The following VPS33A variants were observed in gnomAD, a reference collection of about 807,000 sequenced individuals.
VPS33A encodes vacuolar protein sorting-associated protein 33A.
Under a neutral mutation model 71.8 loss-of-function variants are expected in VPS33A, and 32 were observed. The ratio of observed to expected loss-of-function variants is 0.45; its 90% confidence interval spans 0.34 to 0.60. VPS33A has a LOEUF of 0.60. Among genes scored for constraint, VPS33A ranks in the 20% least tolerant of loss-of-function variants. The pLI is 0.02. For missense variants in VPS33A, 625 were observed against 748.5 expected (o/e 0.84, Z 1.92); for synonymous variants, 311 against 292.7 (o/e 1.06, Z -0.64).
intron 10 of VPS33A, 141 bp downstream of exon 10, chr12:122,238,446 T>G: frequency 9.5e-7 from 1 of 1,051,098 alleles, no homozygotes; most frequent in Non-Finnish European, 1.3e-6. Flanking sequence ...GGTCTCAAAC[T>G]CCTAACCTCA....
In VPS33A at chr12:122,251,055, G is replaced by C. The variant is rs549647623; in HGVS notation, c.528C>G (p.Ala176=). The change falls in exon 5 of 13, where the codon GCC becomes GCG. Residue 176 remains alanine (A), a synonymous_variant. Transcript: ENST00000267199. ...EGDQTSLYHA[A]KGLMTLQALY... The stretch of plus-strand genomic sequence containing the variant: ...GAGCTTGCAGGGTCATCAGCCCCTT[G>C]GCTGCGTGGTACAGGCTCGTCTGGT... The C allele has an allele frequency of 8.1e-6, 13 of 1,614,182 alleles. No homozygotes were observed. The African/African-American group carries it at 1.5e-4, about 18-fold the overall frequency.
chr12:122,257,979 C>T (rs890942999), intron 4 of VPS33A, among the ~76,000 whole-genome samples: 2 of 152,106 alleles, frequency 1.3e-5, no homozygotes, highest in Non-Finnish European at 2.9e-5. Context: ...ACAGTCTTTT[C>T]AACAAATAGT....
At chr12:122,254,328 T>C (rs1372155869) in intron 4 of VPS33A, among the ~76,000 whole-genome samples, 1 of 152,052 alleles carries the variant, frequency 6.6e-6, no homozygotes, top group Non-Finnish European at 1.5e-5. Context: ...GTCGAAGCTC[T>C]TAGCTGTGCC....
At chr12:122,252,147 C>G (rs1417428206) in intron 4 of VPS33A, among the ~76,000 whole-genome samples, 1 of 152,062 alleles carries the variant, frequency 6.6e-6, no homozygotes, top group Non-Finnish European at 1.5e-5. Context: ...ATCTGAGCTA[C>G]TCAGGAGGGT....
rs1315540139 is a variant in VPS33A at position 122,230,790 on chromosome 12, A to C, written c.*1456T>G. On this transcript the variant is annotated 3_prime_UTR_variant, in exon 13 of 13. Coordinates refer to ENST00000267199, the MANE Select transcript of VPS33A (RefSeq NM_022916.6). ...GGTGCCTTAACTCCTCCAGAAGCTA[A>C]GATGGAGGAGCAGAGGGGCAGAGAA... 6.6e-6 allele frequency: 1 copy of C among 152,168 alleles called. No homozygotes were observed. The highest frequency in any genetic ancestry group is 1.5e-5 in the Non-Finnish European group (1 of 68,032). 9.4% of individuals were successfully genotyped at this position (152,168 alleles called of 1,614,324 possible). A position where few individuals can be genotyped will look rare whatever the true frequency, so the allele number is the denominator to read the frequency against.
At chr12:122,258,586 A>G (rs979488707) in intron 4 of VPS33A, among the ~76,000 whole-genome samples, 2 of 152,142 alleles carry the variant, frequency 1.3e-5, no homozygotes, top group Admixed American at 1.3e-4. Context: ...GACAAAGGCC[A>G]ACAGGCACAA....
intron 4 of VPS33A, among the ~76,000 whole-genome samples, chr12:122,259,187 G>GTGTATGTA (rs71082954): frequency 0.054 from 7,840 of 144,642 alleles, 259 homozygotes; most frequent in Admixed American, 0.083. Context: ...GTATGTATGT[G>GTGTATGTA]TGTATGTATG....
chr12:122,244,351 C>A (rs537292586), intron 7 of VPS33A, among the ~76,000 whole-genome samples: 1 of 152,216 alleles, frequency 6.6e-6, no homozygotes, highest in African/African-American at 2.4e-5. Flanking sequence ...CCTCCACCTA[C>A]CCTCCACACA....
chr12:122,264,104 C>T, intron 2 of VPS33A, 30 bp downstream of exon 2: 1 of 1,484,936 alleles, frequency 6.7e-7, no homozygotes, highest in Non-Finnish European at 9.1e-7. Context: ...AATTATTAAT[C>T]CCCTAACAAA....
intron 7 of VPS33A, among the ~76,000 whole-genome samples, chr12:122,243,814 G>A (rs904381530): frequency 6.6e-6 from 1 of 152,006 alleles, no homozygotes; most frequent in Non-Finnish European, 1.5e-5. Context: ...CCAGCTACTC[G>A]GGAGGCTGAG....
In VPS33A at chr12:122,266,420, A is replaced by G; in HGVS notation, c.-12T>C. On this transcript the variant is annotated 5_prime_UTR_variant, in exon 1 of 13. Transcript: ENST00000267199. Reference sequence around the variant, plus strand: ...AGATGAGCCGCCATCTTGCTCCACCACCCCCTGCCCCACAACGCCAACCGA... The same window carrying G: ...AGATGAGCCGCCATCTTGCTCCACCGCCCCCTGCCCCACAACGCCAACCGA... 6.3e-7 allele frequency: 1 copy of G among 1,599,492 alleles called. No individual in the cohort carries two copies. Among genetic ancestry groups the G allele is most frequent in the African/African-American group, 1.4e-5 (1 of 74,054 alleles).
chr12:122,241,852 C>T (rs1003920712), intron 8 of VPS33A, among the ~76,000 whole-genome samples: 1 of 152,060 alleles, frequency 6.6e-6, no homozygotes, highest in African/African-American at 2.4e-5. Flanking sequence ...CTCAGCCTCC[C>T]GAAGTGCTGG....
intron 7 of VPS33A, among the ~76,000 whole-genome samples, chr12:122,243,743 T>C (rs2136131388): frequency 6.6e-6 from 1 of 151,958 alleles, no homozygotes; most frequent in Admixed American, 6.6e-5. Flanking sequence ...GAAGTCCCCA[T>C]CTCTACAGAA....
intron 11 of VPS33A, among the ~76,000 whole-genome samples, chr12:122,233,580 A>C (rs1320367425): frequency 6.6e-6 from 1 of 152,232 alleles, no homozygotes; most frequent in East Asian, 1.9e-4. Context: ...AATGATGTGC[A>C]ATAACCTTTG....
rs5801475 is a variant in VPS33A, at chr12:122,239,749, C to CAAAA, written c.1164+125_1164+128dup. 8.7e-3 allele frequency: 1,720 copies of CAAAA among 197,612 alleles called. 174 individuals are homozygous for CAAAA. Among genetic ancestry groups the CAAAA allele is most frequent in the Middle Eastern group, 0.014 (10 of 698 alleles). The allele number at this position is 197,612 out of a possible 1,614,324, so 12.2% of individuals were successfully genotyped here. Reference sequence around the variant, plus strand: ...GGTGACACACAGTGAGACTCCGTCTCAAAAAAAAAAAAAAAAAAAAAAAAA... The same window carrying CAAAA: ...GGTGACACACAGTGAGACTCCGTCTCAAAAAAAAAAAAAAAAAAAAAAAAAAAAA... On this transcript the variant is annotated intron_variant, in intron 9 of 12. Coordinates refer to ENST00000267199, the MANE Select transcript of VPS33A (RefSeq NM_022916.6).
intron 8 of VPS33A, among the ~76,000 whole-genome samples, chr12:122,240,534 A>G (rs1398452356): frequency 6.6e-6 from 1 of 152,182 alleles, no homozygotes; most frequent in East Asian, 1.9e-4. Flanking sequence ...ATGAAAGCTA[A>G]TTTCTCAAGA....
chr12:122,239,602 T>C (rs563669828), intron 9 of VPS33A, among the ~76,000 whole-genome samples: 20 of 151,502 alleles, frequency 1.3e-4, no homozygotes, highest in East Asian at 3.9e-4. Flanking sequence ...GGTGTGGTGG[T>C]GAGCGCCTGT....
At position 122,232,145 on chromosome 12, in the gene VPS33A, G is replaced by A; in HGVS notation, c.*101C>T. 3 of 1,113,182 alleles carry A rather than the reference G, an allele frequency of 2.7e-6. No individual in the cohort carries two copies. The highest frequency in any genetic ancestry group is 1.6e-5 in the South Asian group (1 of 61,756). 69.0% of individuals were successfully genotyped at this position (1,113,182 alleles called of 1,614,324 possible). ...AGAAGCTGACCCCAGAATATATTCT[G>A]TATTCCCATGTTTCTTCTATGGGGT... On this transcript the variant is annotated 3_prime_UTR_variant, in exon 13 of 13. Coordinates refer to ENST00000267199, the MANE Select transcript of VPS33A (RefSeq NM_022916.6).
chr12:122,251,925 A>G (rs1954850147), intron 4 of VPS33A, among the ~76,000 whole-genome samples: 1 of 151,706 alleles, frequency 6.6e-6, no homozygotes, highest in Non-Finnish European at 1.5e-5. Context: ...AAGTATAAAA[A>G]AAAAAAAAAG....
Sources: allele counts gnomAD v4.1 joint callset (sites outside exome capture counted in the v4.1 genomes callset), GRCh38; gene constraint gnomAD v4.1.1; transcripts MANE v1.5; gene names NCBI Gene and HGNC (gene_info 2026-07-23, HGNC 2026-07-21).